GRXCR2: variants seen among roughly 807,000 people sequenced by gnomAD.
GRXCR2 encodes the protein glutaredoxin domain-containing cysteine-rich protein 2.
Under a neutral mutation model 24.8 loss-of-function variants are expected in GRXCR2, and 23 were observed. The observed-to-expected ratio is 0.93, with a 90% confidence interval of 0.67 to 1.32. GRXCR2 has a LOEUF of 1.32. Ranked by LOEUF, GRXCR2 falls within the 40% of genes most tolerant of loss-of-function variation. The pLI is 0.00. For synonymous variants in GRXCR2, 130 were observed against 116.1 expected (o/e 1.12, Z -0.77); for missense variants, 315 against 303.4 (o/e 1.04, Z -0.28).
At chr5:145,879,066 C>A (rs1387700028) in intron 2 of GRXCR2, among the ~76,000 whole-genome samples, 1 of 152,112 alleles carries the variant, frequency 6.6e-6, no homozygotes, top group Non-Finnish European at 1.5e-5. Flanking sequence ...AAAGAAATAA[C>A]CAGTACCAGC....
intron 2 of GRXCR2, among the ~76,000 whole-genome samples, chr5:145,892,562 C>T (rs1040650992): frequency 5.3e-5 from 8 of 151,788 alleles, no homozygotes; most frequent in African/African-American, 7.3e-5. Context: ...TGAAATGAAG[C>T]GAGAAGAGAA....
At chr5:145,886,489 A>G (rs115548091) in intron 2 of GRXCR2, among the ~76,000 whole-genome samples, 6 of 152,178 alleles carry the variant, frequency 3.9e-5, no homozygotes, top group Non-Finnish European at 8.8e-5. Context: ...CTTCATTAAA[A>G]AATAATCATC....
chr5:145,867,238 A>G (rs531211279), intron 1 of GRXCR2, among the ~76,000 whole-genome samples: 1 of 152,284 alleles, frequency 6.6e-6, no homozygotes, highest in Non-Finnish European at 1.5e-5. Context: ...CAGATGCTAT[A>G]GTTTCCACAT....
At position 145,897,923 on chromosome 5, in the gene GRXCR2, T is replaced by C. The variant is rs115801337; in HGVS notation, c.-69-31195A>G. Among the ~76,000 whole-genome samples, 201 of 151,802 alleles carry C rather than the reference T, an allele frequency of 1.3e-3. 1 individual carries two copies. The highest frequency in any genetic ancestry group is 1.8e-3 in the Non-Finnish European group (120 of 67,818). ...ACCTAGAGGAATTAGAAAAACAAGA[T>C]AAAACTAACCCCAAAGGTAGAGGAA... On this transcript the variant is annotated intron_variant, in intron 2 of 3. Transcript: ENST00000639411.
intron 2 of GRXCR2, among the ~76,000 whole-genome samples, chr5:145,888,088 G>A (rs1756801531): frequency 1.3e-5 from 2 of 152,118 alleles, no homozygotes; most frequent in Non-Finnish European, 1.5e-5. Context: ...AAGTGTTACT[G>A]AAAGCATGCA....
At chr5:145,889,134 A>T (rs1160088261) in intron 2 of GRXCR2, among the ~76,000 whole-genome samples, 1 of 150,786 alleles carries the variant, frequency 6.6e-6, no homozygotes, top group Non-Finnish European at 1.5e-5. Flanking sequence ...ACTGCACTCC[A>T]GCTTGAGCTG....
chr5:145,878,688 T>C (rs925198164), intron 2 of GRXCR2, among the ~76,000 whole-genome samples: 1 of 151,942 alleles, frequency 6.6e-6, no homozygotes, highest in African/African-American at 2.4e-5. Context: ...ATTCAGGAAA[T>C]ACAGAGAATA....
intron 2 of GRXCR2, among the ~76,000 whole-genome samples, chr5:145,931,631 T>C (rs1757479374): frequency 6.6e-6 from 1 of 152,230 alleles, no homozygotes; most frequent in African/African-American, 2.4e-5. Context: ...GCTGTTGTCC[T>C]CCAGTCATTC....
At chr5:145,864,530 G>C (rs1756395182) in intron 2 of GRXCR2, among the ~76,000 whole-genome samples, 1 of 152,110 alleles carries the variant, frequency 6.6e-6, no homozygotes, top group Non-Finnish European at 1.5e-5. Flanking sequence ...GAAGGTGATT[G>C]GATCATGGGG....
At chr5:145,927,226 C>T (rs1194835657) in intron 2 of GRXCR2, among the ~76,000 whole-genome samples, 1 of 152,164 alleles carries the variant, frequency 6.6e-6, no homozygotes, top group Non-Finnish European at 1.5e-5. Context: ...TTATTTCCTT[C>T]TCCTGCCTAA....
At chr5:145,895,955 C>T (rs1346310662) in intron 2 of GRXCR2, among the ~76,000 whole-genome samples, 1 of 152,128 alleles carries the variant, frequency 6.6e-6, no homozygotes, top group Non-Finnish European at 1.5e-5. Context: ...TGGAACAGAA[C>T]AGAGCCCTCA....
intron 2 of GRXCR2, among the ~76,000 whole-genome samples, chr5:145,904,397 T>C (rs912638610): frequency 4.6e-5 from 7 of 152,162 alleles, no homozygotes; most frequent in African/African-American, 1.7e-4. Context: ...TTAATTTTAC[T>C]ATCTGTAAAA....
intron 2 of GRXCR2, among the ~76,000 whole-genome samples, chr5:145,891,729 G>A (rs1228019099): frequency 1.3e-5 from 2 of 152,208 alleles, no homozygotes; most frequent in Non-Finnish European, 2.9e-5. Context: ...CAAACAAAAG[G>A]CAGTAGACAC....
At chr5:145,899,834 G>A (rs529428644) in intron 2 of GRXCR2, among the ~76,000 whole-genome samples, 6 of 152,232 alleles carry the variant, frequency 3.9e-5, no homozygotes, top group African/African-American at 1.4e-4. Flanking sequence ...CACCATTCTG[G>A]ACATGGGCCT....
chr5:145,885,718 G>A (rs1756771204), intron 2 of GRXCR2, among the ~76,000 whole-genome samples: 1 of 152,156 alleles, frequency 6.6e-6, no homozygotes, highest in Non-Finnish European at 1.5e-5. Flanking sequence ...AAAATGCAGT[G>A]CACATAAAAC....
chr5:145,919,441 C>T (rs749304416), intron 2 of GRXCR2, among the ~76,000 whole-genome samples: 8 of 152,192 alleles, frequency 5.3e-5, no homozygotes, highest in Non-Finnish European at 1.2e-4. Context: ...TAGCCTCATT[C>T]TCCAAGCTAA....
At chr5:145,884,758 C>T (rs138726806) in intron 2 of GRXCR2, among the ~76,000 whole-genome samples, 1,975 of 152,064 alleles carry the variant, frequency 0.013, 37 homozygotes, top group African/African-American at 0.036. Flanking sequence ...ATTCCAAGCA[C>T]TTGGGAGTTG....
intron 2 of GRXCR2, among the ~76,000 whole-genome samples, chr5:145,889,535 A>G (rs542720008): frequency 1.4e-4 from 22 of 152,180 alleles, no homozygotes; most frequent in Admixed American, 1.4e-3. Context: ...TGCTCTCCAC[A>G]TCACTCACTT....
In GRXCR2 at chr5:145,872,684, G is replaced by C; in HGVS notation, c.285C>G (p.Thr95=). ...ISVFREGNAY[T]LAGGQPRFND... ...TGAACCGAGGCTGGCCGCCTGCCAAGGTGTAGGCATTACCCTCTCTAAACA... is the reference window on the plus strand; with the variant it reads ...TGAACCGAGGCTGGCCGCCTGCCAACGTGTAGGCATTACCCTCTCTAAACA... The change falls in exon 1 of 3, where the codon ACC becomes ACG. Residue 95 remains threonine, a synonymous_variant. Coordinates refer to ENST00000377976, the MANE Select transcript of GRXCR2 (RefSeq NM_001080516.2). 6.2e-7 allele frequency: 1 copy of C among 1,611,206 alleles called. No homozygotes were observed. The highest frequency in any genetic ancestry group is 8.5e-7 in the Non-Finnish European group (1 of 1,177,724).
Sources: gnomAD v4.1 joint callset for allele counts (sites outside exome capture counted in the v4.1 genomes callset) on GRCh38, gnomAD v4.1.1 for gene constraint, MANE v1.5 for transcripts, NCBI Gene and HGNC (gene_info 2026-07-23, HGNC 2026-07-21) for gene names.